EPHA4: variants seen among roughly 807,000 people sequenced by gnomAD.
The protein encoded by EPHA4 is ephrin type-A receptor 4.
Under a neutral mutation model 108.3 loss-of-function variants are expected in EPHA4, and 19 were observed. That is an observed-to-expected ratio of 0.18 (90% CI 0.12 to 0.26). The LOEUF is 0.26. EPHA4 is among the 10% of genes least tolerant of loss of function. EPHA4 has a pLI of 1.00. For synonymous variants in EPHA4, 449 were observed against 455.5 expected (o/e 0.99, Z 0.18); for missense variants, 917 against 1,254.0 (o/e 0.73, Z 4.06).
chr2:221,441,136 G>A (rs911168759), intron 11 of EPHA4, among the ~76,000 whole-genome samples: 1 of 149,594 alleles, frequency 6.7e-6, no homozygotes, highest in Non-Finnish European at 1.5e-5. Flanking sequence ...TAAAGATTTT[G>A]TACTTTGTGT....
chr2:221,520,821 A>T (rs1211925329), intron 3 of EPHA4, among the ~76,000 whole-genome samples: 1 of 152,212 alleles, frequency 6.6e-6, no homozygotes, highest in Admixed American at 6.5e-5. Flanking sequence ...ATAAGGTAAC[A>T]TCGTAAGAGT....
At chr2:221,500,937 G>A (rs1692468299) in intron 4 of EPHA4, 80 bp downstream of exon 4, 2 of 1,408,324 alleles carry the variant, frequency 1.4e-6, no homozygotes, top group Non-Finnish European at 9.4e-7. Context: ...ATTATCCCAG[G>A]AGAAGACCTG....
chr2:221,522,735 C>CTATTAT (rs6147191), intron 3 of EPHA4, among the ~76,000 whole-genome samples: 239 of 148,720 alleles, frequency 1.6e-3, no homozygotes, highest in East Asian at 4.0e-3. Flanking sequence ...AAATAAAATC[C>CTATTAT]TATTATTATT....
At chr2:221,477,948 C>T (rs1691706412) in intron 5 of EPHA4, among the ~76,000 whole-genome samples, 1 of 152,054 alleles carries the variant, frequency 6.6e-6, no homozygotes, top group Admixed American at 6.6e-5. Flanking sequence ...CATAGCTGTG[C>T]TAGAGAGAGA....
chr2:221,570,995 CCAGAGCACCAGCATACGCTGGAA>C (rs1449941823), intron 1 of EPHA4, among the ~76,000 whole-genome samples: 8 of 152,232 alleles, frequency 5.3e-5, no homozygotes, highest in African/African-American at 1.4e-4. Flanking sequence ...TGCACGCAGG[CCAGAGCACCAGCATACGCTGGAA>C]CAGAGCACGA....
At chr2:221,470,641 A>G (rs1691454283) in intron 5 of EPHA4, among the ~76,000 whole-genome samples, 1 of 143,800 alleles carries the variant, frequency 7.0e-6, no homozygotes, top group Non-Finnish European at 1.5e-5. Context: ...ACTTTAGGGA[A>G]CCTTTTTTAT....
chr2:221,534,284 C>A (rs1693600850), intron 3 of EPHA4, among the ~76,000 whole-genome samples: 1 of 152,160 alleles, frequency 6.6e-6, no homozygotes, highest in African/African-American at 2.4e-5. Flanking sequence ...TCCACTTACC[C>A]ATAAGTGGCT....
At chr2:221,523,910 C>T (rs1313538427) in intron 3 of EPHA4, among the ~76,000 whole-genome samples, 1 of 152,152 alleles carries the variant, frequency 6.6e-6, no homozygotes, top group Non-Finnish European at 1.5e-5. Flanking sequence ...TTTTGAGCAC[C>T]TGGTATGTCC....
chr2:221,519,889 C>A (rs1011016556), intron 3 of EPHA4, among the ~76,000 whole-genome samples: 5 of 152,014 alleles, frequency 3.3e-5, no homozygotes, highest in African/African-American at 1.2e-4. Context: ...AGCAGTTTAC[C>A]TCCAATGCAA....
chr2:221,458,130 G>T (rs1413520724), intron 5 of EPHA4, 140 bp from the exon 6 acceptor site: 8 of 981,544 alleles, frequency 8.2e-6, no homozygotes, highest in Non-Finnish European at 1.2e-5. Context: ...TTACTCTTCA[G>T]TATAGAAGCA....
chr2:221,494,708 G>T (rs939117968), intron 4 of EPHA4, among the ~76,000 whole-genome samples: 1 of 152,164 alleles, frequency 6.6e-6, no homozygotes, highest in Non-Finnish European at 1.5e-5. Flanking sequence ...CATTGAACAA[G>T]CAAGTACATG....
At chr2:221,502,051 A>C (rs1206037530) in intron 3 of EPHA4, among the ~76,000 whole-genome samples, 1 of 152,074 alleles carries the variant, frequency 6.6e-6, no homozygotes, top group Admixed American at 6.6e-5. Flanking sequence ...TTTTTTATAC[A>C]CCTGACATCC....
At chr2:221,555,257 A>G (rs1694272215) in intron 3 of EPHA4, among the ~76,000 whole-genome samples, 3 of 152,200 alleles carry the variant, frequency 2.0e-5, no homozygotes, top group Admixed American at 2.0e-4. Flanking sequence ...ATCAAAACCG[A>G]ATTAATTTGC....
intron 11 of EPHA4, among the ~76,000 whole-genome samples, chr2:221,442,137 A>G (rs1197487599): frequency 2.6e-5 from 4 of 152,194 alleles, no homozygotes; most frequent in African/African-American, 9.7e-5. Flanking sequence ...CTCTTGGAAC[A>G]CAGCCACCTT....
At chr2:221,448,034 G>A (rs188362427) in intron 8 of EPHA4, among the ~76,000 whole-genome samples, 84 of 152,042 alleles carry the variant, frequency 5.5e-4, no homozygotes, top group Middle Eastern at 6.8e-3. Context: ...TAGAGCCAGG[G>A]TTTCACCATG....
At chr2:221,474,744 A>G (rs1283974937) in intron 5 of EPHA4, among the ~76,000 whole-genome samples, 1 of 152,196 alleles carries the variant, frequency 6.6e-6, no homozygotes, top group Non-Finnish European at 1.5e-5. Context: ...TCTCGATTTC[A>G]CTAGTACCAT....
intron 8 of EPHA4, among the ~76,000 whole-genome samples, chr2:221,455,029 T>C (rs13398880): frequency 0.078 from 11,885 of 152,266 alleles, 638 homozygotes; most frequent in East Asian, 0.26. Flanking sequence ...ACCAAAATCA[T>C]GCTGAAGCAC....
intron 2 of EPHA4, among the ~76,000 whole-genome samples, chr2:221,566,975 A>AGAAGAAGAG (rs1259432550): frequency 6.8e-5 from 7 of 102,748 alleles, no homozygotes; most frequent in African/African-American, 2.0e-4. Flanking sequence ...AAGAGGAAGA[A>AGAAGAAGAG]GAAGAAGAAG....
intron 3 of EPHA4, among the ~76,000 whole-genome samples, chr2:221,557,807 C>A (rs887826440): frequency 1.3e-5 from 2 of 152,160 alleles, no homozygotes; most frequent in Non-Finnish European, 2.9e-5. Context: ...ACCAAATAAT[C>A]GATGTTACTA....
Sources: allele counts gnomAD v4.1 joint callset (sites outside exome capture counted in the v4.1 genomes callset), GRCh38; gene constraint gnomAD v4.1.1; transcripts MANE v1.5; gene names NCBI Gene and HGNC (gene_info 2026-07-23, HGNC 2026-07-21).